KHDRBS3: variants seen among roughly 807,000 people sequenced by gnomAD.
KHDRBS3 encodes KH domain-containing, RNA-binding, signal transduction-associated protein 3.
A neutral mutation model predicts 45.6 loss-of-function variants in KHDRBS3; 23 were observed. The observed-to-expected ratio is 0.50, with a 90% CI of 0.36 to 0.72. The LOEUF is 0.72. Ranked by LOEUF, KHDRBS3 falls within the 30% of genes least tolerant of loss-of-function variation. The pLI is 0.00. For synonymous variants in KHDRBS3, 162 were observed against 156.5 expected (o/e 1.04, Z -0.26); for missense variants, 352 against 424.8 (o/e 0.83, Z 1.51).
chr8:135,461,315 G>A (rs1821419870), intron 1 of KHDRBS3, among the ~76,000 whole-genome samples: 1 of 152,106 alleles, frequency 6.6e-6, no homozygotes, highest in Non-Finnish European at 1.5e-5. Flanking sequence ...GTGTTGGCCA[G>A]GCTGGTCTCG....
intron 7 of KHDRBS3, among the ~76,000 whole-genome samples, chr8:135,626,162 A>G (rs1328711379): frequency 1.3e-5 from 2 of 152,250 alleles, no homozygotes; most frequent in Non-Finnish European, 2.9e-5. Flanking sequence ...TGTATATAAC[A>G]CATTATTTCA....
chr8:135,577,685 A>G (rs1005648347), intron 5 of KHDRBS3, among the ~76,000 whole-genome samples: 1 of 152,184 alleles, frequency 6.6e-6, no homozygotes, highest in African/African-American at 2.4e-5. Flanking sequence ...GTTGCTATGA[A>G]TAAAGCTGCT....
At chr8:135,596,220 A>G (rs1306643660) in intron 6 of KHDRBS3, among the ~76,000 whole-genome samples, 1 of 152,224 alleles carries the variant, frequency 6.6e-6, no homozygotes, top group African/African-American at 2.4e-5. Context: ...TTAGGACATC[A>G]GGTTTCATTC....
intron 7 of KHDRBS3, among the ~76,000 whole-genome samples, chr8:135,636,596 C>G (rs1830823511): frequency 6.6e-6 from 1 of 152,216 alleles, no homozygotes. Flanking sequence ...TGCAGTAACA[C>G]TGTGGGAGAG....
At chr8:135,572,132 G>A (rs938598137) in intron 5 of KHDRBS3, among the ~76,000 whole-genome samples, 4 of 152,124 alleles carry the variant, frequency 2.6e-5, no homozygotes, top group Admixed American at 6.5e-5. Context: ...GTTCCAAAAG[G>A]CAGTAGAGCT....
intron 1 of KHDRBS3, among the ~76,000 whole-genome samples, chr8:135,490,556 C>T (rs1027146439): frequency 6.6e-6 from 1 of 152,120 alleles, no homozygotes; most frequent in Non-Finnish European, 1.5e-5. Context: ...AGTTGGTTAT[C>T]AATATTAATA....
chr8:135,483,654 G>T (rs1435530467), intron 1 of KHDRBS3, among the ~76,000 whole-genome samples: 1 of 152,186 alleles, frequency 6.6e-6, no homozygotes, highest in Non-Finnish European at 1.5e-5. Context: ...GGATATTTGT[G>T]TGATGAGGGC....
chr8:135,536,234 G>GTTTTTTTTTTTT lies in KHDRBS3; in HGVS notation c.208-6403_208-6392dup, dbSNP rs374782370. Reference sequence around the variant, plus strand: ...TCAGTGTTAATTTGCTTTCTGTCCAGTTTTTTTTTTTTTTTTTTTTTTTTT... The same window carrying GTTTTTTTTTTTT: ...TCAGTGTTAATTTGCTTTCTGTCCAGTTTTTTTTTTTTTTTTTTTTTTTTTTTTTTTTTTTTT... On this transcript the variant is annotated intron_variant, in intron 2 of 8. Transcript: ENST00000355849. 1.3e-4 allele frequency among the ~76,000 whole-genome samples: 11 copies of GTTTTTTTTTTTT among 86,412 alleles called. No individual in the cohort carries two copies. In the East Asian group the frequency reaches 1.5e-3, roughly 12 times the overall value. 56.7% of individuals were successfully genotyped at this position (86,412 alleles called of 152,430 possible).
downstream of KHDRBS3, among the ~76,000 whole-genome samples, chr8:135,650,401 A>G (rs1831405198): frequency 6.6e-6 from 1 of 152,196 alleles, no homozygotes; most frequent in Non-Finnish European, 1.5e-5. Context: ...TCCTCATTTT[A>G]GTATTGGTAT....
intron 8 of KHDRBS3, among the ~76,000 whole-genome samples, chr8:135,646,410 A>G (rs893562197): frequency 1.7e-4 from 26 of 152,188 alleles, no homozygotes; most frequent in African/African-American, 6.0e-4. Flanking sequence ...AATTCATTTC[A>G]TATTCATGAA....
chr8:135,476,064 T>C (rs2130264883), intron 1 of KHDRBS3, among the ~76,000 whole-genome samples: 1 of 152,322 alleles, frequency 6.6e-6, no homozygotes, highest in Non-Finnish European at 1.5e-5. Flanking sequence ...TTTGTCAGGT[T>C]GTTTGGTATC....
At chr8:135,492,917 A>G (rs2130433893) in intron 1 of KHDRBS3, among the ~76,000 whole-genome samples, 1 of 152,284 alleles carries the variant, frequency 6.6e-6, no homozygotes, top group East Asian at 1.9e-4. Flanking sequence ...GGAAGAAATG[A>G]TATCTTAACA....
intron 7 of KHDRBS3, among the ~76,000 whole-genome samples, chr8:135,629,520 G>A (rs1486844227): frequency 2.0e-5 from 3 of 152,202 alleles, no homozygotes; most frequent in South Asian, 2.1e-4. Context: ...GCCTGCCCGA[G>A]CTTACCCTGC....
At chr8:135,533,628 T>A (rs139403345) in intron 2 of KHDRBS3, among the ~76,000 whole-genome samples, 75 of 152,316 alleles carry the variant, frequency 4.9e-4, no homozygotes, top group Middle Eastern at 3.4e-3. Context: ...GCTGTCACCA[T>A]GGAATGTACT....
intron 2 of KHDRBS3, among the ~76,000 whole-genome samples, chr8:135,523,100 C>T (rs1824999926): frequency 6.6e-6 from 1 of 152,070 alleles, no homozygotes; most frequent in Non-Finnish European, 1.5e-5. Context: ...TAATGTAGTT[C>T]CTCCACCTTT....
intron 2 of KHDRBS3, chr8:135,538,678 A>G (rs1404893475): frequency 1.3e-5 from 2 of 152,000 alleles, no homozygotes; most frequent in Admixed American, 1.3e-4. Context: ...ATGCTGAGAA[A>G]CCTCTGTGTT....
At chr8:135,550,806 G>C (rs10783157) in intron 4 of KHDRBS3, among the ~76,000 whole-genome samples, 87,750 of 151,852 alleles carry the variant, frequency 0.58, 26,303 homozygotes, top group East Asian at 0.78. Flanking sequence ...CTATAGATCA[G>C]TTTGGGGATA....
intron 8 of KHDRBS3, among the ~76,000 whole-genome samples, chr8:135,646,717 C>A (rs1157440695): frequency 6.6e-6 from 1 of 152,128 alleles, no homozygotes; most frequent in East Asian, 1.9e-4. Flanking sequence ...AAATGAGTAA[C>A]CAAAAGGAAA....
chr8:135,543,244 A>G (rs937064656), intron 3 of KHDRBS3, among the ~76,000 whole-genome samples: 11 of 152,082 alleles, frequency 7.2e-5, no homozygotes, highest in Admixed American at 3.3e-4. Flanking sequence ...AAGTGTAGTA[A>G]CTGCTTATTG....
Sources: allele counts gnomAD v4.1 joint callset (sites outside exome capture counted in the v4.1 genomes callset), GRCh38; gene constraint gnomAD v4.1.1; transcripts MANE v1.5; gene names NCBI Gene and HGNC (gene_info 2026-07-23, HGNC 2026-07-21).